Variants in RORB observed in about 807,000 individuals in gnomAD.
The protein encoded by RORB is RAR related orphan receptor B, also known as nuclear receptor ROR-beta.
RORB carries 6 observed loss-of-function variants against 59.1 expected under a neutral mutation model. That is an observed-to-expected ratio of 0.10 (90% confidence interval 0.06 to 0.20). RORB has a LOEUF of 0.20. RORB is among the 10% of genes least tolerant of loss of function. The pLI is 1.00. For synonymous variants in RORB, 215 were observed against 204.5 expected, an observed-to-expected ratio of 1.05 and a Z score of -0.44; for missense variants, 320 against 560.5, an observed-to-expected ratio of 0.57 and a Z score of 4.33.
intron 9 of RORB, among the ~76,000 whole-genome samples, chr9:74,680,260 G>A (rs1323853426): frequency 1.3e-5 from 2 of 152,120 alleles, no homozygotes; most frequent in Non-Finnish European, 2.9e-5. Flanking sequence ...GGAAAGTACT[G>A]GAACTACGAA....
intron 1 of RORB, among the ~76,000 whole-genome samples, chr9:74,548,756 T>G (rs568722332): frequency 6.6e-6 from 1 of 152,312 alleles, no homozygotes; most frequent in South Asian, 2.1e-4. Flanking sequence ...TTAAAATATG[T>G]CAGTGAATTC....
chr9:74,579,277 T>C lies in RORB; in HGVS notation c.8-51005T>C, dbSNP rs144396681. On this transcript the variant is annotated intron_variant, in intron 1 of 9. Transcript: ENST00000376896. ...TGCTGGACAGTAGCAAAACTACTGT[T>C]TTATTACTTATTAAACACAATTAAT... Among the ~76,000 whole-genome samples the C allele has an allele frequency of 6.4e-3, 974 of 152,256 alleles. 11 individuals are homozygous for C. The highest frequency in any genetic ancestry group is 0.022 in the African/African-American group (919 of 41,554).
chr9:74,623,441 C>CTTTTTTT (rs35945048), intron 1 of RORB, among the ~76,000 whole-genome samples: 2 of 145,458 alleles, frequency 1.4e-5, no homozygotes, highest in Admixed American at 6.8e-5. Flanking sequence ...TTTTCTCTCT[C>CTTTTTTT]TTTTTTTTTT....
intron 1 of RORB, among the ~76,000 whole-genome samples, chr9:74,606,723 T>C (rs1004579211): frequency 7.9e-5 from 12 of 152,232 alleles, no homozygotes; most frequent in Non-Finnish European, 5.9e-5. Flanking sequence ...CAGAGCTAAG[T>C]TGGTTTAACA....
intron 9 of RORB, among the ~76,000 whole-genome samples, chr9:74,679,216 G>A (rs375972945): frequency 2.0e-5 from 3 of 152,064 alleles, no homozygotes; most frequent in Non-Finnish European, 4.4e-5. Context: ...GATGTGACTC[G>A]TGGTCTTAGT....
At chr9:74,536,227 G>C (rs546979947) in intron 1 of RORB, among the ~76,000 whole-genome samples, 1 of 152,026 alleles carries the variant, frequency 6.6e-6, no homozygotes, top group Non-Finnish European at 1.5e-5. Context: ...TATACTTACT[G>C]TGCTAAAAAA....
At chr9:74,591,712 G>A (rs1822896365) in intron 1 of RORB, among the ~76,000 whole-genome samples, 1 of 152,168 alleles carries the variant, frequency 6.6e-6, no homozygotes, top group African/African-American at 2.4e-5. Flanking sequence ...TAAATTCACT[G>A]ACAGCTGGAA....
At chr9:74,646,722 T>C (rs1017750501) in intron 4 of RORB, among the ~76,000 whole-genome samples, 1 of 152,208 alleles carries the variant, frequency 6.6e-6, no homozygotes, top group Non-Finnish European at 1.5e-5. Flanking sequence ...TGTCCTAGAC[T>C]GCCAGGCATT....
intron 1 of RORB, among the ~76,000 whole-genome samples, chr9:74,544,831 G>C (rs1211906020): frequency 2.0e-5 from 3 of 152,312 alleles, no homozygotes; most frequent in Non-Finnish European, 4.4e-5. Context: ...AAATGTCACA[G>C]TCAGGTTCCC....
At chr9:74,632,995 G>T (rs1823644130) in intron 2 of RORB, among the ~76,000 whole-genome samples, 1 of 152,124 alleles carries the variant, frequency 6.6e-6, no homozygotes, top group Non-Finnish European at 1.5e-5. Flanking sequence ...ACTAGTCCCT[G>T]TTGAATGGCT....
intron 6 of RORB, among the ~76,000 whole-genome samples, chr9:74,664,167 G>C (rs1051336253): frequency 6.6e-6 from 1 of 152,178 alleles, no homozygotes; most frequent in African/African-American, 2.4e-5. Flanking sequence ...GTAAAATAAA[G>C]AGATGGACTA....
At position 74,642,046 on chromosome 9, in the gene RORB, T is replaced by A. The variant is rs1329002791; in HGVS notation, c.236-368T>A. Among the ~76,000 whole-genome samples the A allele has an allele frequency of 1.2e-4, 19 of 152,200 alleles. 1 individual carries two copies. The highest frequency in any genetic ancestry group is 1.2e-3 in the Admixed American group (18 of 15,274). On this transcript the variant is annotated intron_variant, in intron 3 of 9. Transcript: ENST00000376896. ...AGAAAAGTTAGTTATGAGTGTTGGT[T>A]AACATTTTAATAGCGGGTACTATTG...
chr9:74,622,444 T>C (rs1275375484), intron 1 of RORB, among the ~76,000 whole-genome samples: 1 of 151,968 alleles, frequency 6.6e-6, no homozygotes, highest in Non-Finnish European at 1.5e-5. Flanking sequence ...TTATAGAATG[T>C]ATTGCTTTCC....
chr9:74,589,412 C>G (rs1368858995), intron 1 of RORB, among the ~76,000 whole-genome samples: 1 of 152,102 alleles, frequency 6.6e-6, no homozygotes, highest in Admixed American at 6.5e-5. Flanking sequence ...CTAACAGGGT[C>G]CCCATGAGTC....
At chr9:74,650,136 C>T (rs1823968087) in intron 4 of RORB, among the ~76,000 whole-genome samples, 1 of 152,172 alleles carries the variant, frequency 6.6e-6, no homozygotes, top group African/African-American at 2.4e-5. Context: ...GAGGTTCTGC[C>T]TGTGACTTGG....
At chr9:74,536,827 A>G (rs1826329192) in intron 1 of RORB, among the ~76,000 whole-genome samples, 1 of 152,072 alleles carries the variant, frequency 6.6e-6, no homozygotes, top group South Asian at 2.1e-4. Flanking sequence ...TCTGCCATTC[A>G]AAAAGCTTTT....
chr9:74,624,290 AC>A (rs1306561513), intron 1 of RORB, among the ~76,000 whole-genome samples: 1 of 152,194 alleles, frequency 6.6e-6, no homozygotes, highest in East Asian at 1.9e-4. Flanking sequence ...TACAGAGAAG[AC>A]CCCAGATGCT....
chr9:74,670,716 T>C (rs1402398504), intron 8 of RORB, among the ~76,000 whole-genome samples: 1 of 152,184 alleles, frequency 6.6e-6, no homozygotes, highest in African/African-American at 2.4e-5. Context: ...CAGCCCCCTA[T>C]TCTTTCTCCA....
intron 1 of RORB, among the ~76,000 whole-genome samples, chr9:74,523,594 G>A (rs920530309): frequency 6.6e-6 from 1 of 151,836 alleles, no homozygotes; most frequent in Admixed American, 6.6e-5. Context: ...CACAACTAAA[G>A]GACTCAAGCC....
Sources: allele counts gnomAD v4.1 joint callset (sites outside exome capture counted in the v4.1 genomes callset), GRCh38; gene constraint gnomAD v4.1.1; transcripts MANE v1.5; gene names NCBI Gene and HGNC (gene_info 2026-07-23, HGNC 2026-07-21).